PPP2R5E: variants seen among roughly 807,000 people sequenced by gnomAD.
The protein encoded by PPP2R5E is serine/threonine-protein phosphatase 2A 56 kDa regulatory subunit epsilon isoform.
PPP2R5E carries 4 observed loss-of-function variants against 65.3 expected under a neutral mutation model. The ratio of observed to expected loss-of-function variants is 0.06; its 90% CI spans 0.03 to 0.14. PPP2R5E has a LOEUF of 0.14. Ranked by LOEUF, PPP2R5E falls within the 10% of genes least tolerant of loss-of-function variation. PPP2R5E has a pLI of 1.00. For missense variants in PPP2R5E, 274 were observed against 556.1 expected (o/e 0.49, Z 5.10); for synonymous variants, 183 against 187.4 (o/e 0.98, Z 0.19).
chr14:63,393,091 TAGAAC>T (rs1405302815), intron 8 of PPP2R5E, among the ~76,000 whole-genome samples: 2 of 152,178 alleles, frequency 1.3e-5, no homozygotes, highest in Non-Finnish European at 2.9e-5. Context: ...GTGAGTGACC[TAGAAC>T]AGGAGGCAAA....
At chr14:63,507,982 A>T (rs1892290241) in intron 2 of PPP2R5E, 1 of 210,706 alleles carries the variant, frequency 4.7e-6, no homozygotes, top group African/African-American at 2.4e-5. Flanking sequence ...TTTCTTCCGG[A>T]GCCTCAGTTT....
intron 2 of PPP2R5E, among the ~76,000 whole-genome samples, chr14:63,519,667 TC>T (rs1377732121): frequency 6.7e-6 from 1 of 148,770 alleles, no homozygotes; most frequent in African/African-American, 2.5e-5. Flanking sequence ...GGACAAACTC[TC>T]TTTTTTTTTT....
chr14:63,415,548 C>A (rs1886641918), intron 4 of PPP2R5E, among the ~76,000 whole-genome samples: 1 of 152,084 alleles, frequency 6.6e-6, no homozygotes, highest in Non-Finnish European at 1.5e-5. Context: ...TAAATATATT[C>A]TTCCAGTTTT....
rs1446866059 is a variant in PPP2R5E, at chr14:63,374,668, T to TATAA, written c.*1340_*1341insTTAT. The TATAA allele has an allele frequency of 1.7e-5, 2 of 119,280 alleles. No individual in the cohort carries two copies. The allele number at this position is 119,280 out of a possible 1,614,324, so 7.4% of individuals were successfully genotyped here. ...ATATATATATATATATATATATATA[T>TATAA]AAAATACAGCCCTAGATTTTGTTTT... On this transcript the variant is annotated 3_prime_UTR_variant, in exon 14 of 14. Coordinates refer to ENST00000337537, the MANE Select transcript of PPP2R5E (RefSeq NM_006246.5).
At chr14:63,467,063 A>G (rs1889853360) in intron 2 of PPP2R5E, among the ~76,000 whole-genome samples, 1 of 151,896 alleles carries the variant, frequency 6.6e-6, no homozygotes, top group Non-Finnish European at 1.5e-5. Context: ...CGTCTCTACT[A>G]AAAATACAAA....
intron 3 of PPP2R5E, among the ~76,000 whole-genome samples, chr14:63,440,870 G>A (rs923954480): frequency 1.3e-5 from 2 of 150,292 alleles, no homozygotes; most frequent in South Asian, 2.1e-4. Flanking sequence ...AATGGCGTGA[G>A]CCCGGGAGGC....
At chr14:63,542,262 A>T (rs1293790621) in intron 1 of PPP2R5E, among the ~76,000 whole-genome samples, 2 of 152,192 alleles carry the variant, frequency 1.3e-5, no homozygotes, top group Non-Finnish European at 2.9e-5. Flanking sequence ...AGCCCAGGGA[A>T]ACAGGTTTCG....
chr14:63,532,330 ATAAAT>A (rs1278687661), intron 2 of PPP2R5E, among the ~76,000 whole-genome samples: 1 of 151,342 alleles, frequency 6.6e-6, no homozygotes, highest in African/African-American at 2.4e-5. Context: ...CAAAAAATGA[ATAAAT>A]TAAAAATAAA....
intron 13 of PPP2R5E, among the ~76,000 whole-genome samples, chr14:63,378,429 T>C (rs1260742062): frequency 6.6e-6 from 1 of 152,236 alleles, no homozygotes. Context: ...ACACTAGGCA[T>C]AAATTGGTTA....
chr14:63,435,370 G>A (rs1315661210), intron 3 of PPP2R5E, among the ~76,000 whole-genome samples: 2 of 151,678 alleles, frequency 1.3e-5, no homozygotes, highest in East Asian at 3.9e-4. Flanking sequence ...TGATAAGGGT[G>A]GAGAAAAAAA....
chr14:63,522,502 C>G (rs1020499513), intron 2 of PPP2R5E, among the ~76,000 whole-genome samples: 1 of 150,608 alleles, frequency 6.6e-6, no homozygotes, highest in Non-Finnish European at 1.5e-5. Flanking sequence ...AAGTGAGAAA[C>G]GCCTCTTCCC....
At chr14:63,460,447 A>T (rs925389675) in intron 2 of PPP2R5E, among the ~76,000 whole-genome samples, 1 of 152,186 alleles carries the variant, frequency 6.6e-6, no homozygotes, top group African/African-American at 2.4e-5. Context: ...ACTAACCCCC[A>T]TTAGAGTTGT....
intron 2 of PPP2R5E, among the ~76,000 whole-genome samples, chr14:63,537,556 A>C (rs1893716981): frequency 6.6e-6 from 1 of 152,212 alleles, no homozygotes; most frequent in Non-Finnish European, 1.5e-5. Flanking sequence ...TTGTATAAAC[A>C]TTGGAATCTT....
At chr14:63,510,060 T>C (rs918383463) in intron 2 of PPP2R5E, among the ~76,000 whole-genome samples, 6 of 152,260 alleles carry the variant, frequency 3.9e-5, no homozygotes, top group African/African-American at 1.2e-4. Flanking sequence ...AATGATTATA[T>C]ATTTAAATCC....
chr14:63,432,490 C>A (rs191697365), intron 3 of PPP2R5E, among the ~76,000 whole-genome samples: 3 of 152,220 alleles, frequency 2.0e-5, no homozygotes, highest in Admixed American at 2.0e-4. Context: ...AATTTGAATA[C>A]AGATCAAATG....
At chr14:63,464,668 C>T (rs1889685382) in intron 2 of PPP2R5E, among the ~76,000 whole-genome samples, 4 of 152,186 alleles carry the variant, frequency 2.6e-5, no homozygotes, top group Admixed American at 2.6e-4. Flanking sequence ...TTACTGTTTA[C>T]TGACAATGGA....
At chr14:63,398,410 T>A (rs778936825) in intron 5 of PPP2R5E, among the ~76,000 whole-genome samples, 5 of 152,202 alleles carry the variant, frequency 3.3e-5, no homozygotes, top group Non-Finnish European at 4.4e-5. Flanking sequence ...TGGAATAGAA[T>A]TAAGAGCCCA....
At chr14:63,478,451 G>C (rs1046849633) in intron 2 of PPP2R5E, among the ~76,000 whole-genome samples, 4 of 151,998 alleles carry the variant, frequency 2.6e-5, no homozygotes, top group Non-Finnish European at 5.9e-5. Context: ...AAAAAAATGA[G>C]TGAGAAAAGT....
At chr14:63,533,888 A>G (rs900421074) in intron 2 of PPP2R5E, among the ~76,000 whole-genome samples, 7 of 151,752 alleles carry the variant, frequency 4.6e-5, no homozygotes, top group Admixed American at 6.6e-5. Flanking sequence ...CAGAGGTTGC[A>G]GTGAGCCGAG....
Sources: allele counts gnomAD v4.1 joint callset (sites outside exome capture counted in the v4.1 genomes callset), GRCh38; gene constraint gnomAD v4.1.1; transcripts MANE v1.5; gene names NCBI Gene and HGNC (gene_info 2026-07-23, HGNC 2026-07-21).